Variants in SLC12A8 observed in about 807,000 individuals in gnomAD.
SLC12A8 encodes the protein cation-chloride cotransporter 9.
Under a neutral mutation model 75.6 loss-of-function variants are expected in SLC12A8, and 69 were observed. That is an observed-to-expected ratio of 0.91 (90% CI 0.75 to 1.11). The LOEUF (loss-of-function observed/expected upper bound fraction) is 1.11, where lower values mean the gene tolerates loss of function less well. Among genes scored for constraint, SLC12A8 ranks in the 50% most tolerant of loss-of-function variants. The pLI is 0.00. For missense variants in SLC12A8, 877 were observed against 896.7 expected (o/e 0.98, Z 0.28); for synonymous variants, 365 against 372.8 (o/e 0.98, Z 0.24).
At chr3:125,136,207 C>T (rs1180207552) in intron 5 of SLC12A8, among the ~76,000 whole-genome samples, 1 of 152,182 alleles carries the variant, frequency 6.6e-6, no homozygotes, top group East Asian at 1.9e-4. Context: ...AGTCCAAACT[C>T]CTATCAAAGC....
At chr3:125,187,548 G>T in intron 3 of SLC12A8, 120 bp from the exon 4 acceptor site, 4 of 867,006 alleles carry the variant, frequency 4.6e-6, no homozygotes, top group Non-Finnish European at 7.4e-6. Context: ...CAGGGGTGGG[G>T]GCACAGAGTC....
chr3:125,091,212 T>C (rs1938570264), intron 12 of SLC12A8, among the ~76,000 whole-genome samples: 1 of 152,162 alleles, frequency 6.6e-6, no homozygotes, highest in Non-Finnish European at 1.5e-5. Context: ...ACTATTGTTA[T>C]TCATTTTTAC....
intron 3 of SLC12A8, among the ~76,000 whole-genome samples, chr3:125,189,490 G>A (rs140977586): frequency 2.1e-3 from 313 of 152,266 alleles, no homozygotes; most frequent in Non-Finnish European, 2.1e-3. Flanking sequence ...CTCATAGCCT[G>A]TTCCACCCCA....
At chr3:125,108,512 G>A (rs1354270944) in intron 9 of SLC12A8, among the ~76,000 whole-genome samples, 1 of 152,040 alleles carries the variant, frequency 6.6e-6, no homozygotes, top group Non-Finnish European at 1.5e-5. Flanking sequence ...GGGACTACAG[G>A]TGCACACCAC....
intron 5 of SLC12A8, among the ~76,000 whole-genome samples, chr3:125,141,165 G>C (rs112044722): frequency 1.3e-5 from 2 of 148,718 alleles, no homozygotes; most frequent in African/African-American, 5.0e-5. Context: ...AACAAAAAGG[G>C]GGGTGGGGTG....
intron 7 of SLC12A8, among the ~76,000 whole-genome samples, chr3:125,119,671 A>G (rs1932997254): frequency 6.6e-6 from 1 of 152,242 alleles, no homozygotes; most frequent in Non-Finnish European, 1.5e-5. Context: ...TCCCAATGTT[A>G]TTGCACAAAA....
rs559255780 is a variant in SLC12A8, at chr3:125,141,615, G to A, written c.623-5833C>T. Among the ~76,000 whole-genome samples the A allele has an allele frequency of 5.9e-5, 9 of 152,318 alleles. No individual in the cohort carries two copies. In the East Asian group the frequency reaches 1.5e-3, roughly 26 times the overall value. On this transcript the variant is annotated intron_variant, in intron 5 of 13. Transcript: ENST00000469902. Reference sequence around the variant, plus strand: ...AGTCATACCCCTCCCTGTGGGCGTCGGGTTGCACTGTTGACTAACTTAGAA... The same window carrying A: ...AGTCATACCCCTCCCTGTGGGCGTCAGGTTGCACTGTTGACTAACTTAGAA...
intron 6 of SLC12A8, among the ~76,000 whole-genome samples, chr3:125,126,949 GC>G (rs1933224904): frequency 6.6e-6 from 1 of 151,974 alleles, no homozygotes; most frequent in African/African-American, 2.4e-5. Flanking sequence ...GTGGCTCTGA[GC>G]CCTGCTTTCC....
chr3:125,132,649 C>A (rs1460067525), intron 6 of SLC12A8, among the ~76,000 whole-genome samples: 1 of 152,040 alleles, frequency 6.6e-6, no homozygotes, highest in Non-Finnish European at 1.5e-5. Context: ...CTTGTTCGGT[C>A]CAAGATACCC....
chr3:125,151,952 T>G (rs1933935748), intron 5 of SLC12A8, among the ~76,000 whole-genome samples: 1 of 152,328 alleles, frequency 6.6e-6, no homozygotes, highest in Admixed American at 6.5e-5. Flanking sequence ...GATATTATTA[T>G]TCTCTATTTT....
chr3:125,093,721 G>T (rs1292294788), intron 10 of SLC12A8, among the ~76,000 whole-genome samples: 1 of 152,106 alleles, frequency 6.6e-6, no homozygotes, highest in Non-Finnish European at 1.5e-5. Flanking sequence ...TGGGGGCAGG[G>T]TCCACATCCA....
intron 7 of SLC12A8, 141 bp downstream of exon 7, chr3:125,120,458 G>C (rs1579484672): frequency 1.4e-6 from 1 of 724,158 alleles, no homozygotes; most frequent in East Asian, 2.7e-5. Flanking sequence ...CCAGCCCACC[G>C]AGTGTTAAAA....
chr3:125,099,278 G>T (rs1938800305), intron 10 of SLC12A8, among the ~76,000 whole-genome samples: 1 of 152,178 alleles, frequency 6.6e-6, no homozygotes, highest in Non-Finnish European at 1.5e-5. Context: ...CACGGGGGAG[G>T]CAGATGCCAC....
At position 125,187,330 on chromosome 3, in the gene SLC12A8, G is replaced by C. The variant is rs1042167051; in HGVS notation, c.297C>G (p.Ser99Arg). 1 of 1,614,236 alleles carries C rather than the reference G, an allele frequency of 6.2e-7. No individual in the cohort carries two copies. The highest frequency in any genetic ancestry group is 8.5e-7 in the Non-Finnish European group (1 of 1,180,046). Reference sequence around the variant, plus strand: ...AGTAGACGCCACCGCTGCCGATGCTGCTGCGCTCCCCGACGCCAATGCCAG... The same window carrying C: ...AGTAGACGCCACCGCTGCCGATGCTCCTGCGCTCCCCGACGCCAATGCCAG... ...VLSGIGVGER[S>R]SIGSGGVYSM... is the part of the protein sequence containing the mutation. The change falls in exon 4 of 14, where the codon AGC becomes AGG. Residue 99 changes from serine (S) to arginine (R), a missense_variant. Physicochemically the swap from Ser to Arg is moderately radical, Grantham distance 110. Transcript: ENST00000469902.
intron 8 of SLC12A8, 139 bp downstream of exon 8, chr3:125,118,630 A>G: frequency 1.6e-6 from 1 of 611,296 alleles, no homozygotes; most frequent in East Asian, 3.1e-5. Context: ...CCCTGTCTCA[A>G]AAAATAAATT....
chr3:125,085,293 A>G (rs1938429035), intron 13 of SLC12A8, among the ~76,000 whole-genome samples: 1 of 152,222 alleles, frequency 6.6e-6, no homozygotes, highest in South Asian at 2.1e-4. Flanking sequence ...GAAGTAAAAT[A>G]CTTCACTCTC....
In SLC12A8 at chr3:125,107,459, AGT is replaced by A. The variant is rs1376786966; in HGVS notation, c.1705+20_1705+21del. ...TGGTCATCCCCAAATAAGAGGCCCCAGTGTGATACCAGAGCACTCACCTTCTC... is the reference window on the plus strand; with the variant it reads ...TGGTCATCCCCAAATAAGAGGCCCCAGTGATACCAGAGCACTCACCTTCTC... On this transcript the variant is annotated intron_variant, in intron 10 of 13. Transcript: ENST00000469902. 1.3e-5 allele frequency: 21 copies of A among 1,583,296 alleles called. No individual in the cohort carries two copies. The highest frequency in any genetic ancestry group is 1.7e-5 in the Non-Finnish European group (20 of 1,159,432).
chr3:125,084,014 G>A lies in SLC12A8; in HGVS notation c.2021C>T (p.Pro674Leu), dbSNP rs762538191. 1.5e-5 allele frequency: 24 copies of A among 1,612,906 alleles called. No individual in the cohort carries two copies. The highest frequency in any genetic ancestry group is 3.3e-5 in the South Asian group (3 of 90,722). ...CTCCATGTCAACCTTAGCCAGGGAC[G>A]GCGCCAAGATGATCTGCTCCTGAGG... Reference protein sequence around the residue: ...RSPQEQIILAPSLAKVDMEMT... With the variant: ...RSPQEQIILALSLAKVDMEMT... The change falls in exon 14 of 14, where the codon CCG becomes CTG. Residue 674 changes from proline (P) to leucine (L), a missense_variant. Coordinates refer to ENST00000469902, the MANE Select transcript of SLC12A8 (RefSeq NM_024628.6).
chr3:125,166,490 C>A (rs1244681670), intron 5 of SLC12A8, among the ~76,000 whole-genome samples: 1 of 152,126 alleles, frequency 6.6e-6, no homozygotes, highest in East Asian at 1.9e-4. Flanking sequence ...TTCCCGCTGC[C>A]CCCAAAATAA....
Sources: gnomAD v4.1 joint callset for allele counts (sites outside exome capture counted in the v4.1 genomes callset) on GRCh38, gnomAD v4.1.1 for gene constraint, MANE v1.5 for transcripts, NCBI Gene and HGNC (gene_info 2026-07-23, HGNC 2026-07-21) for gene names.